CPB1: variants seen among roughly 807,000 people sequenced by gnomAD.
CPB1 encodes carboxypeptidase B.
CPB1 carries 53 observed loss-of-function variants against 51.4 expected under a neutral mutation model. That is an observed-to-expected ratio of 1.03 (90% CI 0.83 to 1.30). The LOEUF (loss-of-function observed/expected upper bound fraction) is 1.30, where lower values mean the gene tolerates loss of function less well. Ranked by LOEUF, CPB1 falls within the 50% of genes most tolerant of loss-of-function variation. The pLI is 0.00. For synonymous variants in CPB1, 189 were observed against 186.9 expected (o/e 1.01, Z -0.09); for missense variants, 494 against 516.2 (o/e 0.96, Z 0.42).
intron 2 of CPB1, among the ~76,000 whole-genome samples, chr3:148,829,994 A>G (rs889021780): frequency 2.6e-5 from 4 of 152,154 alleles, no homozygotes; most frequent in African/African-American, 7.2e-5. Flanking sequence ...TCAAGATTCA[A>G]CATTCTACCA....
At chr3:148,837,480 GAAAAAA>G (rs35691600) in intron 3 of CPB1, among the ~76,000 whole-genome samples, 1 of 95,678 alleles carries the variant, frequency 1.0e-5, no homozygotes, top group East Asian at 2.9e-4. Flanking sequence ...TTGTGTGTTA[GAAAAAA>G]AAAAAAAAAA....
chr3:148,853,910 C>T (rs1365503616), intron 9 of CPB1, among the ~76,000 whole-genome samples: 1 of 152,014 alleles, frequency 6.6e-6, no homozygotes. Context: ...CTTTGTAAAG[C>T]TTAAGTTTTT....
intron 9 of CPB1, chr3:148,856,879 A>G (rs1407853336): frequency 6.6e-6 from 1 of 152,180 alleles, no homozygotes; most frequent in Non-Finnish European, 1.5e-5. Context: ...TTTTTAGTCT[A>G]AAAAATTTCC....
chr3:148,837,841 T>C (rs1409545783), intron 3 of CPB1, among the ~76,000 whole-genome samples: 1 of 152,112 alleles, frequency 6.6e-6, no homozygotes, highest in Non-Finnish European at 1.5e-5. Context: ...TTATGCTTCT[T>C]TGTCCTGGAT....
intron 2 of CPB1, among the ~76,000 whole-genome samples, chr3:148,830,236 C>T (rs568397705): frequency 7.1e-4 from 108 of 152,264 alleles, no homozygotes; most frequent in Non-Finnish European, 1.3e-3. Flanking sequence ...CCCCTCTACT[C>T]GCCAGTGAGC....
intron 2 of CPB1, 75 bp from the exon 3 acceptor site, chr3:148,834,423 G>T: frequency 7.6e-7 from 1 of 1,311,124 alleles, no homozygotes; most frequent in Non-Finnish European, 1.1e-6. Context: ...CAATTCAGTA[G>T]AGCAATAATG....
intron 6 of CPB1, among the ~76,000 whole-genome samples, chr3:148,842,849 T>G (rs1403960474): frequency 6.6e-6 from 1 of 152,198 alleles, no homozygotes; most frequent in African/African-American, 2.4e-5. Flanking sequence ...AAATAAGACA[T>G]ATCAATATAA....
chr3:148,842,584 A>G (rs1400425588), intron 6 of CPB1, among the ~76,000 whole-genome samples: 4 of 152,248 alleles, frequency 2.6e-5, no homozygotes, highest in African/African-American at 4.8e-5. Flanking sequence ...CAGAAGAATT[A>G]CAACTAATAT....
chr3:148,857,435 C>A, intron 9 of CPB1, 22 bp from the exon 10 acceptor site: 1 of 1,595,510 alleles, frequency 6.3e-7, no homozygotes, highest in Non-Finnish European at 8.6e-7. Context: ...TATTTCCTTA[C>A]TTATTCCTGT....
intron 9 of CPB1, among the ~76,000 whole-genome samples, chr3:148,850,653 G>A (rs1025614599): frequency 5.3e-5 from 8 of 152,162 alleles, no homozygotes; most frequent in African/African-American, 1.7e-4. Flanking sequence ...AAGAATTTGA[G>A]TATAATGCAA....
In CPB1 at chr3:148,841,787, G is replaced by A. The variant is rs1576569874; in HGVS notation, c.475-36G>A. 1.3e-5 allele frequency: 20 copies of A among 1,569,318 alleles called. No individual in the cohort carries two copies. In the East Asian group the frequency reaches 4.5e-4, roughly 35 times the overall value. ...GGTTAACCCCTGAATGTCCTATGAT[G>A]AATCATGGTTTCCCTTTTCCTTTTG... On this transcript the variant is annotated intron_variant, in intron 5 of 10. Coordinates refer to ENST00000282957, the MANE Select transcript of CPB1 (RefSeq NM_001871.3).
intron 6 of CPB1, among the ~76,000 whole-genome samples, chr3:148,843,108 T>C (rs1192436311): frequency 1.3e-5 from 2 of 152,082 alleles, no homozygotes; most frequent in Non-Finnish European, 2.9e-5. Flanking sequence ...ATAAAGGCAA[T>C]GTAGGATCCT....
At chr3:148,835,795 C>A (rs1222008978) in intron 3 of CPB1, among the ~76,000 whole-genome samples, 1 of 152,186 alleles carries the variant, frequency 6.6e-6, no homozygotes, top group African/African-American at 2.4e-5. Flanking sequence ...ACAGAAATTT[C>A]TCTTGTTTTT....
At chr3:148,859,700 C>T (rs909339670) in intron 10 of CPB1, 115 bp from the exon 11 acceptor site, 2 of 985,094 alleles carry the variant, frequency 2.0e-6, no homozygotes, top group Non-Finnish European at 2.9e-6. Flanking sequence ...AGAAAATTGG[C>T]CTACTCAAAA....
intron 3 of CPB1, chr3:148,838,192 G>A (rs1183963626): frequency 1.3e-5 from 2 of 152,148 alleles, no homozygotes; most frequent in East Asian, 3.9e-4. Context: ...AGCTTGCAGT[G>A]AGCCGAGATC....
At chr3:148,854,801 A>G (rs547035248) in intron 9 of CPB1, 2 of 152,386 alleles carry the variant, frequency 1.3e-5, no homozygotes, top group African/African-American at 4.8e-5. Flanking sequence ...ACAACTGATT[A>G]TAGCATACAG....
intron 9 of CPB1, among the ~76,000 whole-genome samples, chr3:148,845,922 C>T (rs2108017147): frequency 6.6e-6 from 1 of 152,216 alleles, no homozygotes; most frequent in African/African-American, 2.4e-5. Flanking sequence ...ATTTCAGATG[C>T]ATATGAGATA....
rs750930498 is a variant in CPB1 at position 148,859,959 on chromosome 3, C to T, written c.1211C>T (p.Ala404Val). The T allele has an allele frequency of 6.2e-7, 1 of 1,614,030 alleles. No homozygotes were observed. The highest frequency in any genetic ancestry group is 1.3e-5 in the African/African-American group (1 of 74,912). Reference protein sequence around the residue: ...IRATCEETFLAIKYVASYVLE... With the variant: ...IRATCEETFLVIKYVASYVLE... Reference sequence around the variant, plus strand: ...GCTACCTGCGAGGAGACCTTCCTGGCAATCAAGTATGTTGCCAGCTACGTC... The same window carrying T: ...GCTACCTGCGAGGAGACCTTCCTGGTAATCAAGTATGTTGCCAGCTACGTC... Residue 404 changes from alanine (A) to valine (V), a missense_variant, in exon 11 of 11, where the codon GCA (alanine) becomes GTA (valine). Ala to Val is a moderately conservative substitution (Grantham distance 64). Transcript: ENST00000282957.
intron 9 of CPB1, among the ~76,000 whole-genome samples, chr3:148,853,605 G>A (rs1467161334): frequency 6.6e-6 from 1 of 152,188 alleles, no homozygotes; most frequent in African/African-American, 2.4e-5. Context: ...GATTAATAAA[G>A]GCTGACCATG....
Sources: allele counts gnomAD v4.1 joint callset (sites outside exome capture counted in the v4.1 genomes callset), GRCh38; gene constraint gnomAD v4.1.1; transcripts MANE v1.5; gene names NCBI Gene and HGNC (gene_info 2026-07-23, HGNC 2026-07-21).